The following MAN1A2 variants were observed in gnomAD, a reference collection of about 807,000 sequenced individuals.
The protein encoded by MAN1A2 is mannosidase alpha class 1A member 2, also known as mannosyl-oligosaccharide 1,2-alpha-mannosidase IB.
In MAN1A2, 26 loss-of-function variants were observed where a neutral mutation model predicts 75.7. The ratio of observed to expected loss-of-function variants is 0.34; its 90% CI spans 0.25 to 0.48. The LOEUF is 0.48. Among genes scored for constraint, MAN1A2 ranks in the 20% least tolerant of loss-of-function variants. The probability of loss-of-function intolerance (pLI) is 0.99; values close to 1 mark genes in which losing one functional copy is unlikely to be tolerated. For synonymous variants in MAN1A2, 247 were observed against 264.6 expected, an observed-to-expected ratio of 0.93 and a Z score of 0.65; for missense variants, 562 against 775.5, an observed-to-expected ratio of 0.72 and a Z score of 3.27.
intron 8 of MAN1A2, among the ~76,000 whole-genome samples, chr1:117,484,391 T>G (rs896156170): frequency 1.3e-5 from 2 of 151,992 alleles, no homozygotes; most frequent in Non-Finnish European, 2.9e-5. Flanking sequence ...TGTTGTAATA[T>G]CATGACTTTT....
At chr1:117,461,322 T>C (rs1649813111) in intron 7 of MAN1A2, among the ~76,000 whole-genome samples, 1 of 152,160 alleles carries the variant, frequency 6.6e-6, no homozygotes, top group African/African-American at 2.4e-5. Context: ...TATTATGTGT[T>C]CTCATTCATA....
intron 8 of MAN1A2, among the ~76,000 whole-genome samples, chr1:117,479,947 T>C (rs999165485): frequency 8.6e-5 from 13 of 151,936 alleles, no homozygotes; most frequent in African/African-American, 3.1e-4. Context: ...GTGAATCTGG[T>C]GCATTGCTCA....
At chr1:117,481,374 A>G (rs573419520) in intron 8 of MAN1A2, among the ~76,000 whole-genome samples, 2 of 151,910 alleles carry the variant, frequency 1.3e-5, no homozygotes, top group South Asian at 4.1e-4. Context: ...TCACTTCTCA[A>G]TACATTGCAT....
At chr1:117,379,166 T>A (rs1210214732) in intron 1 of MAN1A2, among the ~76,000 whole-genome samples, 1 of 152,112 alleles carries the variant, frequency 6.6e-6, no homozygotes, top group Non-Finnish European at 1.5e-5. Flanking sequence ...TTGTGTATGA[T>A]GAGGTGGGGA....
chr1:117,528,498 A>G lies in MAN1A2; in HGVS notation c.*5541A>G, dbSNP rs1024858188. ...ATGCAGAGGATTTTAAATAATTGCA[A>G]ATGTCTTGTGGCTGTTTTATTTCTA... On this transcript the variant is annotated 3_prime_UTR_variant, in exon 13 of 13. Transcript: ENST00000356554. 1 of 152,092 alleles carries G rather than the reference A, an allele frequency of 6.6e-6. No homozygotes were observed. Among genetic ancestry groups the G allele is most frequent in the African/African-American group, 2.4e-5 (1 of 41,424 alleles). The allele number at this position is 152,092 out of a possible 1,614,324, so 9.4% of individuals were successfully genotyped here.
intron 1 of MAN1A2, among the ~76,000 whole-genome samples, chr1:117,393,801 C>T (rs79788253): frequency 1.7e-4 from 26 of 152,054 alleles, no homozygotes; most frequent in Admixed American, 8.5e-4. Context: ...AGACCTTATT[C>T]GGAAGAAGAT....
chr1:117,382,750 T>G (rs1447749141), intron 1 of MAN1A2, among the ~76,000 whole-genome samples: 2 of 152,194 alleles, frequency 1.3e-5, no homozygotes, highest in Non-Finnish European at 2.9e-5. Flanking sequence ...GGGATGGCAT[T>G]GAATCTATAA....
At chr1:117,480,368 A>G (rs1650457356) in intron 8 of MAN1A2, among the ~76,000 whole-genome samples, 1 of 151,882 alleles carries the variant, frequency 6.6e-6, no homozygotes, top group Non-Finnish European at 1.5e-5. Flanking sequence ...TTTACAGGCA[A>G]TAATGGGACT....
chr1:117,439,280 G>T (rs576146122), intron 5 of MAN1A2, among the ~76,000 whole-genome samples: 68 of 152,216 alleles, frequency 4.5e-4, no homozygotes, highest in Non-Finnish European at 1.3e-4. Flanking sequence ...TGTGGCTTTT[G>T]CTCTGAGATA....
chr1:117,491,934 A>G (rs1331821657), intron 8 of MAN1A2, among the ~76,000 whole-genome samples: 5 of 152,118 alleles, frequency 3.3e-5, no homozygotes, highest in Admixed American at 3.3e-4. Context: ...GAGTTACTGC[A>G]GTCTTATGAT....
chr1:117,368,717 C>T (rs1436394946), intron 1 of MAN1A2, among the ~76,000 whole-genome samples: 1 of 152,066 alleles, frequency 6.6e-6, no homozygotes, highest in Non-Finnish European at 1.5e-5. Flanking sequence ...AGTCGTTCTT[C>T]TCTTCGGTTT....
At chr1:117,443,534 G>A (rs752483811) in intron 6 of MAN1A2, among the ~76,000 whole-genome samples, 5 of 152,148 alleles carry the variant, frequency 3.3e-5, no homozygotes, top group East Asian at 3.9e-4. Flanking sequence ...ACTTAATTCC[G>A]ATAGGAAGAC....
At chr1:117,413,622 G>A (rs1390937161) in intron 3 of MAN1A2, among the ~76,000 whole-genome samples, 1 of 151,878 alleles carries the variant, frequency 6.6e-6, no homozygotes, top group Non-Finnish European at 1.5e-5. Flanking sequence ...GAGTTGATGG[G>A]TCTTTAAAGA....
In MAN1A2 at chr1:117,384,663, G is replaced by A. The variant is rs148436922; in HGVS notation, c.302+16178G>A. Among the ~76,000 whole-genome samples the A allele has an allele frequency of 6.1e-4, 93 of 152,028 alleles. No homozygotes were observed. The Middle Eastern group carries it at 0.017, about 28-fold the overall frequency. On this transcript the variant is annotated intron_variant, in intron 1 of 12. Coordinates refer to ENST00000356554, the MANE Select transcript of MAN1A2 (RefSeq NM_006699.5). ...TGTTCTAGCCATTATTGAAAATGGGGGTATTGAAGTTTCTATTATTGTTAC... is the reference window on the plus strand; with the variant it reads ...TGTTCTAGCCATTATTGAAAATGGGAGTATTGAAGTTTCTATTATTGTTAC...
intron 8 of MAN1A2, among the ~76,000 whole-genome samples, chr1:117,476,542 T>C (rs1182397474): frequency 6.6e-6 from 1 of 152,088 alleles, no homozygotes; most frequent in Admixed American, 6.6e-5. Flanking sequence ...GTCTAAGGTG[T>C]AAGGAAGGGG....
chr1:117,451,122 G>A (rs1397553243), intron 6 of MAN1A2, among the ~76,000 whole-genome samples: 1 of 152,206 alleles, frequency 6.6e-6, no homozygotes, highest in African/African-American at 2.4e-5. Flanking sequence ...AAAGCCATAG[G>A]GGCAGAGCTG....
intron 1 of MAN1A2, among the ~76,000 whole-genome samples, chr1:117,375,847 A>C (rs901151654): frequency 6.6e-6 from 1 of 151,968 alleles, no homozygotes; most frequent in Non-Finnish European, 1.5e-5. Flanking sequence ...AAGAGTTCAG[A>C]TAAGTTATTC....
At chr1:117,514,287 C>T (rs562288084) in intron 12 of MAN1A2, among the ~76,000 whole-genome samples, 5 of 151,378 alleles carry the variant, frequency 3.3e-5, no homozygotes, top group South Asian at 2.1e-4. Context: ...CACTTGAACC[C>T]GGGAGGCAGA....
intron 4 of MAN1A2, 72 bp from the exon 5 acceptor site, chr1:117,420,497 G>T: frequency 9.3e-7 from 1 of 1,069,602 alleles, no homozygotes; most frequent in East Asian, 2.5e-5. Context: ...AAAAACAAAT[G>T]AAGTATTGAT....
Sources: gnomAD v4.1 joint callset for allele counts (sites outside exome capture counted in the v4.1 genomes callset) on GRCh38, gnomAD v4.1.1 for gene constraint, MANE v1.5 for transcripts, NCBI Gene and HGNC (gene_info 2026-07-23, HGNC 2026-07-21) for gene names.